The following ANGPT1 variants were observed in gnomAD, a reference collection of about 807,000 sequenced individuals.
ANGPT1 encodes the protein angiopoietin 1, also known as angiopoietin-1.
ANGPT1 carries 17 observed loss-of-function variants against 62.2 expected under a neutral mutation model. The ratio of observed to expected loss-of-function variants is 0.27; its 90% CI spans 0.19 to 0.41. The LOEUF (loss-of-function observed/expected upper bound fraction) is 0.41, where lower values mean the gene tolerates loss of function less well. Among genes scored for constraint, ANGPT1 ranks in the 10% least tolerant of loss-of-function variants. The pLI is 1.00. For synonymous variants in ANGPT1, 199 were observed against 198.9 expected (o/e 1.00, Z 0.00); for missense variants, 478 against 594.9 (o/e 0.80, Z 2.04).
chr8:107,471,408 G>T (rs1323007823), intron 1 of ANGPT1, among the ~76,000 whole-genome samples: 1 of 152,188 alleles, frequency 6.6e-6, no homozygotes, highest in Middle Eastern at 3.4e-3. Flanking sequence ...CTGTCAGGCT[G>T]TGGGGGGACT....
chr8:107,429,056 AAAAC>A lies in ANGPT1; in HGVS notation c.297+68202_297+68205del, dbSNP rs575295164. ...ATGGTCTGAGAGTGATTTAAAAGCAAAAACAAACAAACAAGCGACAATCAATAGT... is the reference window on the plus strand; with the variant it reads ...ATGGTCTGAGAGTGATTTAAAAGCAAAAACAAACAAGCGACAATCAATAGT... On this transcript the variant is annotated intron_variant, in intron 1 of 8. Transcript: ENST00000517746. Among the ~76,000 whole-genome samples, 353 of 152,348 alleles carry A rather than the reference AAAAC, an allele frequency of 2.3e-3. 1 individual carries two copies. Among genetic ancestry groups the A allele is most frequent in the Non-Finnish European group, 4.1e-3 (276 of 68,036 alleles).
At chr8:107,484,326 T>C (rs1157372624) in intron 1 of ANGPT1, among the ~76,000 whole-genome samples, 1 of 152,246 alleles carries the variant, frequency 6.6e-6, no homozygotes, top group African/African-American at 2.4e-5. Context: ...ACCTGCTATG[T>C]ATTAAAATAT....
At chr8:107,394,593 C>T (rs948889610) in intron 1 of ANGPT1, among the ~76,000 whole-genome samples, 1 of 152,148 alleles carries the variant, frequency 6.6e-6, no homozygotes, top group African/African-American at 2.4e-5. Flanking sequence ...CCTGCTTTTT[C>T]TCACTTGTGA....
At chr8:107,464,273 A>C (rs575505134) in intron 1 of ANGPT1, among the ~76,000 whole-genome samples, 3 of 152,218 alleles carry the variant, frequency 2.0e-5, no homozygotes, top group South Asian at 2.1e-4. Flanking sequence ...AGGGTTAAAA[A>C]CTACAAAAGT....
chr8:107,436,799 G>A (rs1401254672), intron 1 of ANGPT1, among the ~76,000 whole-genome samples: 3 of 152,054 alleles, frequency 2.0e-5, no homozygotes, highest in African/African-American at 7.3e-5. Context: ...GCTCGTACTG[G>A]GACAAGAACA....
At chr8:107,440,266 T>C (rs1019890482) in intron 1 of ANGPT1, among the ~76,000 whole-genome samples, 5 of 152,174 alleles carry the variant, frequency 3.3e-5, no homozygotes, top group Admixed American at 6.5e-5. Context: ...TTAAAAACAT[T>C]CACTATTTTA....
chr8:107,325,198 G>A (rs1815258510), intron 3 of ANGPT1, among the ~76,000 whole-genome samples: 1 of 152,076 alleles, frequency 6.6e-6, no homozygotes, highest in African/African-American at 2.4e-5. Context: ...CACCTACTGG[G>A]GTAGGCGTCA....
chr8:107,460,015 C>G (rs772022818), intron 1 of ANGPT1, among the ~76,000 whole-genome samples: 2 of 152,176 alleles, frequency 1.3e-5, no homozygotes, highest in Non-Finnish European at 2.9e-5. Flanking sequence ...TATGAAAACA[C>G]GCTGAAAGCA....
chr8:107,451,316 G>GACACACAC (rs138970014), intron 1 of ANGPT1, among the ~76,000 whole-genome samples: 2,432 of 149,008 alleles, frequency 0.016, 25 homozygotes, highest in Non-Finnish European at 0.023. Context: ...ATACATAACA[G>GACACACAC]ACACACACAC....
At chr8:107,412,971 G>A (rs1377652513) in intron 1 of ANGPT1, among the ~76,000 whole-genome samples, 2 of 152,168 alleles carry the variant, frequency 1.3e-5, no homozygotes, top group Non-Finnish European at 2.9e-5. Context: ...AGAGAAAGCA[G>A]TGAACAAACA....
intron 3 of ANGPT1, among the ~76,000 whole-genome samples, chr8:107,327,733 T>C (rs1445395261): frequency 6.6e-6 from 1 of 152,104 alleles, no homozygotes; most frequent in African/African-American, 2.4e-5. Context: ...CCCGTCTTTC[T>C]GGAAACACTT....
intron 7 of ANGPT1, among the ~76,000 whole-genome samples, chr8:107,270,291 A>G (rs910359536): frequency 6.6e-6 from 1 of 152,044 alleles, no homozygotes; most frequent in Non-Finnish European, 1.5e-5. Context: ...AACCCTTTTA[A>G]ACAGTAGACA....
At chr8:107,361,238 A>G (rs1358298446) in intron 1 of ANGPT1, among the ~76,000 whole-genome samples, 2 of 152,014 alleles carry the variant, frequency 1.3e-5, no homozygotes, top group African/African-American at 4.8e-5. Flanking sequence ...AATCCAATCA[A>G]TATTCAAACA....
At chr8:107,497,239 A>G in intron 1 of ANGPT1, 23 bp downstream of exon 1, 1 of 1,609,958 alleles carries the variant, frequency 6.2e-7, no homozygotes, top group Non-Finnish European at 8.5e-7. Flanking sequence ...CCGTGCTATT[A>G]GAAACTGAAA....
chr8:107,392,942 G>T (rs1047806499), intron 1 of ANGPT1, among the ~76,000 whole-genome samples: 1 of 152,016 alleles, frequency 6.6e-6, no homozygotes, highest in Non-Finnish European at 1.5e-5. Context: ...TCATTCCATG[G>T]ATCTCTTTGT....
At chr8:107,258,733 G>C (rs887639153) in intron 8 of ANGPT1, among the ~76,000 whole-genome samples, 1 of 152,108 alleles carries the variant, frequency 6.6e-6, no homozygotes, top group African/African-American at 2.4e-5. Flanking sequence ...CTGCAGTTCA[G>C]TCTTTTGGGG....
At chr8:107,399,679 C>T (rs1817004505) in intron 1 of ANGPT1, among the ~76,000 whole-genome samples, 1 of 152,122 alleles carries the variant, frequency 6.6e-6, no homozygotes, top group Non-Finnish European at 1.5e-5. Context: ...AGGAATGCCC[C>T]AGGGTTTCAG....
chr8:107,355,365 G>T (rs539091328), intron 1 of ANGPT1, among the ~76,000 whole-genome samples: 2 of 152,194 alleles, frequency 1.3e-5, no homozygotes, highest in South Asian at 4.2e-4. Flanking sequence ...CTCCAGACTT[G>T]CCTCCTCCAA....
chr8:107,451,951 G>A (rs1811789312), intron 1 of ANGPT1, among the ~76,000 whole-genome samples: 1 of 151,542 alleles, frequency 6.6e-6, no homozygotes, highest in African/African-American at 2.4e-5. Flanking sequence ...TTTTCTCTTT[G>A]TTTTCTGTTT....
Sources: gnomAD v4.1 joint callset for allele counts (sites outside exome capture counted in the v4.1 genomes callset) on GRCh38, gnomAD v4.1.1 for gene constraint, MANE v1.5 for transcripts, NCBI Gene and HGNC (gene_info 2026-07-23, HGNC 2026-07-21) for gene names.